CEP170: variants seen among roughly 807,000 people sequenced by gnomAD.
CEP170 encodes the protein centrosomal protein of 170 kDa.
A neutral mutation model predicts 151.9 loss-of-function variants in CEP170; 21 were observed. That is an observed-to-expected ratio of 0.14 (90% confidence interval 0.10 to 0.20). The LOEUF (loss-of-function observed/expected upper bound fraction) is 0.20, where lower values mean the gene tolerates loss of function less well. CEP170 is among the 10% of genes least tolerant of loss of function. CEP170 has a pLI of 1.00. For synonymous variants in CEP170, 356 were observed against 648.8 expected (o/e 0.55, Z 6.86); for missense variants, 964 against 1,892.9 (o/e 0.51, Z 9.11).
intron 2 of CEP170, 118 bp from the exon 3 acceptor site, chr1:243,221,931 G>A (rs1240605377): frequency 8.2e-6 from 7 of 853,796 alleles, no homozygotes; most frequent in Non-Finnish European, 1.7e-6. Flanking sequence ...ATCAAAGTAA[G>A]TGTGGATTAA....
chr1:243,187,984 T>C (rs1212532604), intron 8 of CEP170, among the ~76,000 whole-genome samples: 1 of 152,070 alleles, frequency 6.6e-6, no homozygotes, highest in African/African-American at 2.4e-5. Context: ...TTTCTTCAAA[T>C]TGTTGACTAC....
rs375359256 is a variant in CEP170, at chr1:243,251,399, A to T, written c.-42+3641T>A. ...AAGAATTTTGGCTTTAGCCAAAAAGACAAAGGTTCAATTATAGGCCCTATC... is the reference window on the plus strand; with the variant it reads ...AAGAATTTTGGCTTTAGCCAAAAAGTCAAAGGTTCAATTATAGGCCCTATC... On this transcript the variant is annotated intron_variant, in intron 1 of 19. Transcript: ENST00000366542. Among the ~76,000 whole-genome samples, 116 of 152,308 alleles carry T rather than the reference A, an allele frequency of 7.6e-4. 1 individual carries two copies. Among genetic ancestry groups the T allele is most frequent in the Admixed American group, 1.2e-3 (19 of 15,300 alleles).
At chr1:243,163,278 T>C (rs2058206936) in intron 13 of CEP170, 1 of 152,250 alleles carries the variant, frequency 6.6e-6, no homozygotes, top group African/African-American at 2.4e-5. Context: ...CTTACTTAGA[T>C]GTCTGCCTAC....
At chr1:243,152,563 G>A (rs1435418897) in intron 14 of CEP170, among the ~76,000 whole-genome samples, 1 of 99,094 alleles carries the variant, frequency 1.0e-5, no homozygotes, top group Admixed American at 1.6e-4. Context: ...ATAGAGTCTC[G>A]CTCTGTCACC....
chr1:243,139,225 C>G (rs980372470), intron 16 of CEP170, among the ~76,000 whole-genome samples: 4 of 152,054 alleles, frequency 2.6e-5, no homozygotes, highest in African/African-American at 9.7e-5. Context: ...CCTCAGCCTC[C>G]TGAGTAGCTG....
At chr1:243,225,922 T>C (rs544254375) in intron 1 of CEP170, among the ~76,000 whole-genome samples, 2 of 151,344 alleles carry the variant, frequency 1.3e-5, no homozygotes, top group Middle Eastern at 7.0e-3. Flanking sequence ...TTTTATACTC[T>C]TTAAAAAATG....
At chr1:243,143,525 T>A (rs891192510) in intron 14 of CEP170, among the ~76,000 whole-genome samples, 2 of 152,190 alleles carry the variant, frequency 1.3e-5, no homozygotes, top group East Asian at 1.9e-4. Flanking sequence ...AGGGACAAAC[T>A]TACAAAACCT....
chr1:243,197,536 C>T (rs893612326), intron 7 of CEP170, among the ~76,000 whole-genome samples: 5 of 152,008 alleles, frequency 3.3e-5, no homozygotes, highest in African/African-American at 4.8e-5. Flanking sequence ...CAAAGTTCTT[C>T]CAAATTCTGG....
chr1:243,210,260 A>C (rs1032467083), intron 4 of CEP170, among the ~76,000 whole-genome samples: 5 of 152,230 alleles, frequency 3.3e-5, no homozygotes, highest in Admixed American at 2.6e-4. Context: ...TTAACTTGAC[A>C]GAGTTTTACT....
rs761182590 is a variant in CEP170 at position 243,225,257 on chromosome 1, C to A, written c.24G>T (p.Leu8Phe). Residue 8 changes from leucine (L) to phenylalanine (F), a missense_variant, in exon 2 of 20, where the codon TTG (leucine) becomes TTT (phenylalanine). Leu to Phe is a conservative substitution (Grantham distance 22, BLOSUM62 0). Transcript: ENST00000366542. ...TGTGGCGAGTGCCTCCACTGCTCAC[C>A]AAAAACCAGGATGTTAAGCTCATTT... MSLTSWF[L>F]VSSGGTRHRL... is the part of the protein sequence containing the mutation. The A allele has an allele frequency of 1.9e-6, 3 of 1,593,070 alleles. No individual in the cohort carries two copies. The highest frequency in any genetic ancestry group is 2.6e-6 in the Non-Finnish European group (3 of 1,170,966).
intron 14 of CEP170, among the ~76,000 whole-genome samples, chr1:243,153,341 G>A (rs1162671511): frequency 1.3e-5 from 2 of 152,148 alleles, no homozygotes; most frequent in African/African-American, 2.4e-5. Flanking sequence ...ATAAGCCAGC[G>A]GCAGGGTCTG....
At chr1:243,179,668 C>T (rs1485758993) in intron 10 of CEP170, among the ~76,000 whole-genome samples, 7 of 152,158 alleles carry the variant, frequency 4.6e-5, no homozygotes, top group Non-Finnish European at 1.0e-4. Context: ...CAATCTACAA[C>T]GAATCATACA....
chr1:243,250,989 G>A (rs910184201), intron 1 of CEP170, among the ~76,000 whole-genome samples: 1 of 152,170 alleles, frequency 6.6e-6, no homozygotes, highest in Non-Finnish European at 1.5e-5. Flanking sequence ...AGAGATGTGA[G>A]GGATGGCAAA....
At chr1:243,208,889 C>G (rs2061590437) in intron 4 of CEP170, among the ~76,000 whole-genome samples, 1 of 151,848 alleles carries the variant, frequency 6.6e-6, no homozygotes, top group Admixed American at 6.6e-5. Context: ...TGGGACTATG[C>G]CTGGCACATA....
chr1:243,160,889 A>G (rs544436242), intron 13 of CEP170, among the ~76,000 whole-genome samples: 1 of 152,040 alleles, frequency 6.6e-6, no homozygotes, highest in Admixed American at 6.6e-5. Flanking sequence ...GGATATTAAC[A>G]TAATGTTTTT....
intron 1 of CEP170, among the ~76,000 whole-genome samples, chr1:243,234,665 C>T (rs1267484554): frequency 6.6e-6 from 1 of 152,154 alleles, no homozygotes; most frequent in Non-Finnish European, 1.5e-5. Context: ...TACATTTTCA[C>T]CCCTAAAAAG....
At chr1:243,217,478 T>C (rs1049112035) in intron 3 of CEP170, among the ~76,000 whole-genome samples, 4 of 152,212 alleles carry the variant, frequency 2.6e-5, no homozygotes, top group Admixed American at 6.5e-5. Context: ...GCACCTGTTG[T>C]GTGTTGAACA....
chr1:243,241,504 T>C (rs1408637954), intron 1 of CEP170, among the ~76,000 whole-genome samples: 11 of 152,120 alleles, frequency 7.2e-5, no homozygotes, highest in Admixed American at 4.6e-4. Context: ...ATCAAGAAAA[T>C]GTAGGCCGGG....
At chr1:243,255,566 G>A (rs1012118514), upstream of CEP170, among the ~76,000 whole-genome samples, 27 of 152,234 alleles carry the variant, frequency 1.8e-4, 1 homozygote. Flanking sequence ...AGTGTCGGCC[G>A]CCTTTACAAT....
Sources: gnomAD v4.1 joint callset for allele counts (sites outside exome capture counted in the v4.1 genomes callset) on GRCh38, gnomAD v4.1.1 for gene constraint, MANE v1.5 for transcripts, NCBI Gene and HGNC (gene_info 2026-07-23, HGNC 2026-07-21) for gene names.